Variants in MIA2 observed in about 807,000 individuals in gnomAD.
MIA2 encodes MIA SH3 domain ER export factor 2.
Under a neutral mutation model 167.8 loss-of-function variants are expected in MIA2, and 127 were observed. The ratio of observed to expected loss-of-function variants is 0.76; its 90% CI spans 0.66 to 0.88. The LOEUF is 0.88. MIA2 is among the 40% of genes least tolerant of loss of function. The probability of loss-of-function intolerance (pLI) is 0.00; values close to 1 mark genes in which losing one functional copy is unlikely to be tolerated. For missense variants in MIA2, 1,690 were observed against 1,624.7 expected (o/e 1.04, Z -0.69); for synonymous variants, 552 against 541.9 (o/e 1.02, Z -0.26).
chr14:39,363,231 TTAAGTC>T (rs1221425684), intron 23 of MIA2, among the ~76,000 whole-genome samples: 2 of 152,204 alleles, frequency 1.3e-5, no homozygotes, highest in African/African-American at 2.4e-5. Context: ...AAAGTACAGT[TTAAGTC>T]TAATGTTTCT....
At chr14:39,347,576 G>A (rs1041355203) in intron 26 of MIA2, 137 bp from the exon 27 acceptor site, 48 of 755,806 alleles carry the variant, frequency 6.4e-5, no homozygotes, top group African/African-American at 2.9e-4. Flanking sequence ...TCTTGTGGCC[G>A]CAATATAGGA....
At position 39,275,074 on chromosome 14, in the gene MIA2, C is replaced by CA. The variant is rs35503467; in HGVS notation, c.1888-1845dup. On this transcript the variant is annotated intron_variant, in intron 6 of 28. Transcript: ENST00000640607. The stretch of plus-strand genomic sequence containing the variant: ...TCGGCAACAGAGTGAGACTCCGTCT[C>CA]AAAAAAAAAAAAAAATTTTTTTTTT... Among the ~76,000 whole-genome samples, 116 of 51,936 alleles carry CA rather than the reference C, an allele frequency of 2.2e-3. No homozygotes were observed. The East Asian group carries it at 0.036, about 16-fold the overall frequency. 34.1% of individuals were successfully genotyped at this position (51,936 alleles called of 152,430 possible).
At chr14:39,309,225 T>C (rs377733719) in intron 18 of MIA2, among the ~76,000 whole-genome samples, 50 of 152,344 alleles carry the variant, frequency 3.3e-4, no homozygotes, top group East Asian at 1.7e-3. Flanking sequence ...TCTCCTGCAC[T>C]GTGTTTTCTC....
At chr14:39,288,030 A>G (rs944679540) in intron 9 of MIA2, among the ~76,000 whole-genome samples, 1 of 152,070 alleles carries the variant, frequency 6.6e-6, no homozygotes, top group Non-Finnish European at 1.5e-5. Context: ...TATCTTTGGT[A>G]GAGATGTGGT....
chr14:39,327,259 G>A (rs1338476800), intron 25 of MIA2, among the ~76,000 whole-genome samples: 4 of 152,052 alleles, frequency 2.6e-5, no homozygotes, highest in African/African-American at 9.7e-5. Context: ...GCTTGTAGAG[G>A]TAATAATGCA....
downstream of MIA2, chr14:39,350,748 C>CA (rs1358502032): frequency 1.3e-5 from 2 of 152,562 alleles, no homozygotes; most frequent in East Asian, 3.9e-4. Context: ...GTGCAAAACT[C>CA]AAACTTATGT....
intron 23 of MIA2, among the ~76,000 whole-genome samples, chr14:39,384,510 T>A (rs1369486388): frequency 6.6e-6 from 1 of 151,750 alleles, no homozygotes; most frequent in Non-Finnish European, 1.5e-5. Flanking sequence ...ATTTTTTTAA[T>A]TTTTTTTTAA....
chr14:39,246,913 A>G lies in MIA2; in HGVS notation c.339A>G (p.Glu113=). 1 of 1,497,922 alleles carries G rather than the reference A, an allele frequency of 6.7e-7. No homozygotes were observed. Among genetic ancestry groups the G allele is most frequent in the Non-Finnish European group, 8.9e-7 (1 of 1,123,284 alleles). The allele number at this position is 1,497,922 out of a possible 1,614,324, so 92.8% of individuals were successfully genotyped here. A position where few individuals can be genotyped will look rare whatever the true frequency, so the allele number is the denominator to read the frequency against. ...ATATATATATTTTTTCCTTTTAGGA[A>G]TCTGACTTTCTTTGTCTTCTTGGAG... The part of the protein sequence containing the change: ...ISEEIQMSTK[E]SDFLCLLGVS... The change falls in exon 4 of 29, where the codon GAA becomes GAG. Residue 113 remains glutamate, a splice_region_variant and synonymous_variant. Coordinates refer to ENST00000640607, the MANE Select transcript of MIA2 (RefSeq NM_001329214.4).
chr14:39,287,287 A>T (rs187558624), intron 9 of MIA2, among the ~76,000 whole-genome samples: 1 of 151,680 alleles, frequency 6.6e-6, no homozygotes, highest in Admixed American at 6.6e-5. Flanking sequence ...AAGTTGCCCA[A>T]GCTGGTCTCG....
intron 25 of MIA2, among the ~76,000 whole-genome samples, chr14:39,340,546 C>G (rs550354174): frequency 2.0e-5 from 3 of 152,118 alleles, no homozygotes; most frequent in Non-Finnish European, 4.4e-5. Flanking sequence ...GACCATTGTC[C>G]TACATTCTGA....
chr14:39,320,487 T>G (rs1384739640), intron 23 of MIA2, among the ~76,000 whole-genome samples: 1 of 152,170 alleles, frequency 6.6e-6, no homozygotes, highest in Non-Finnish European at 1.5e-5. Flanking sequence ...TTTAAACAAT[T>G]CATGGCCCAA....
chr14:39,325,581 A>C (rs554662713), intron 24 of MIA2, among the ~76,000 whole-genome samples: 4 of 150,164 alleles, frequency 2.7e-5, no homozygotes, highest in African/African-American at 4.9e-5. Flanking sequence ...GTTAGCCAGG[A>C]TGGTCTCGAT....
At chr14:39,324,433 CA>C (rs1476717897) in intron 24 of MIA2, among the ~76,000 whole-genome samples, 1 of 152,072 alleles carries the variant, frequency 6.6e-6, no homozygotes, top group Non-Finnish European at 1.5e-5. Flanking sequence ...ATGTAAAAGC[CA>C]GTTGATCTGA....
chr14:39,297,944 C>A lies in MIA2; in HGVS notation c.2497-1920C>A, dbSNP rs111792322. On this transcript the variant is annotated intron_variant, in intron 13 of 28. Transcript: ENST00000640607. ...CTTCAGGCTTAGATTTAAGTTCTCT[C>A]TAGTTGGTTGAGTCTTTTTATCACA... is the stretch of plus-strand genomic sequence containing the variant. Among the ~76,000 whole-genome samples the A allele has an allele frequency of 4.3e-3, 649 of 152,118 alleles. 5 individuals carry two copies. Among genetic ancestry groups the A allele is most frequent in the African/African-American group, 0.014 (594 of 41,488 alleles).
At chr14:39,309,982 A>C (rs1427968660) in intron 18 of MIA2, among the ~76,000 whole-genome samples, 1 of 151,998 alleles carries the variant, frequency 6.6e-6, no homozygotes, top group Non-Finnish European at 1.5e-5. Flanking sequence ...AATAAAATGT[A>C]ACAGACTTTC....
rs1444695405 is a variant in MIA2 at position 39,252,857 on chromosome 14, A to T, written c.1677A>T (p.Glu559Asp). Residue 559 changes from glutamate (E) to aspartate (D), a missense_variant, in exon 5 of 29, where the codon GAA becomes GAT. Transcript: ENST00000640607. Reference sequence around the variant, plus strand: ...ATTCGAAACCATCAGTAGACACCGAAGGGCCTGCTCTGGTGGAGATAGACA... The same window carrying T: ...ATTCGAAACCATCAGTAGACACCGATGGGCCTGCTCTGGTGGAGATAGACA... The part of the protein sequence containing the change: ...DENSKPSVDT[E>D]GPALVEIDRS... 3 of 1,614,048 alleles carry T rather than the reference A, an allele frequency of 1.9e-6. No individual in the cohort carries two copies. Among genetic ancestry groups the T allele is most frequent in the East Asian group, 4.5e-5 (2 of 44,862 alleles).
chr14:39,315,363 A>G (rs966225427), intron 20 of MIA2: 4 of 210,934 alleles, frequency 1.9e-5, no homozygotes, highest in Non-Finnish European at 3.7e-5. Flanking sequence ...TTGGGAAGGT[A>G]GATTGCATCA....
chr14:39,380,370 A>G (rs1483267318), intron 23 of MIA2, among the ~76,000 whole-genome samples: 1 of 152,194 alleles, frequency 6.6e-6, no homozygotes, highest in South Asian at 2.1e-4. Context: ...ATCTCAAAAT[A>G]TAGAGAGAAA....
At chr14:39,372,302 TA>T (rs916531077) in intron 23 of MIA2, among the ~76,000 whole-genome samples, 6 of 148,752 alleles carry the variant, frequency 4.0e-5, no homozygotes, top group East Asian at 3.9e-4. Context: ...TGTGAAAACG[TA>T]AAAAAAAAAG....
Sources: allele counts gnomAD v4.1 joint callset (sites outside exome capture counted in the v4.1 genomes callset), GRCh38; gene constraint gnomAD v4.1.1; transcripts MANE v1.5; gene names NCBI Gene and HGNC (gene_info 2026-07-23, HGNC 2026-07-21).